The following C10orf90 variants were observed in gnomAD, a reference collection of about 807,000 sequenced individuals.
C10orf90 encodes the protein (E2-independent) E3 ubiquitin-conjugating enzyme FATS.
In C10orf90, 56 loss-of-function variants were observed where a neutral mutation model predicts 62.5. The observed-to-expected ratio is 0.90, with a 90% CI of 0.72 to 1.12. The LOEUF (loss-of-function observed/expected upper bound fraction) is 1.12. C10orf90 is among the 50% of genes most tolerant of loss of function. The pLI, the probability that C10orf90 is intolerant of heterozygous loss-of-function variation, is 0.00. For missense variants in C10orf90, 970 were observed against 880.4 expected (o/e 1.10, Z -1.29); for synonymous variants, 386 against 340.4 (o/e 1.13, Z -1.47).
chr10:126,493,300 G>A (rs61863941), intron 4 of C10orf90, among the ~76,000 whole-genome samples: 43,370 of 151,410 alleles, frequency 0.29, 7,199 homozygotes, highest in African/African-American at 0.47. Context: ...TAGGATTATG[G>A]TTGATTTTCC....
In C10orf90 at chr10:126,536,390, CTACTT is replaced by C. The variant is rs1281458286; in HGVS notation, c.314-22456_314-22452del. On this transcript the variant is annotated intron_variant, in intron 2 of 9. Transcript: ENST00000488181. The stretch of plus-strand genomic sequence containing the variant: ...TCCAAGATTTCAGGAAACGGCAAGA[CTACTT>C]TCCTTTCCTGACTACTGCGTACTAT... Among the ~76,000 whole-genome samples the C allele has an allele frequency of 4.6e-5, 7 of 152,346 alleles. No individual in the cohort carries two copies. In the South Asian group the frequency reaches 1.0e-3, roughly 23 times the overall value.
At chr10:126,628,142 C>T (rs1295112585) in intron 2 of C10orf90, among the ~76,000 whole-genome samples, 2 of 152,152 alleles carry the variant, frequency 1.3e-5, no homozygotes, top group Admixed American at 1.3e-4. Flanking sequence ...GGATTCCAGC[C>T]CTACCAGGCT....
intron 2 of C10orf90, among the ~76,000 whole-genome samples, chr10:126,568,283 A>G (rs965896519): frequency 1.3e-5 from 2 of 152,206 alleles, no homozygotes; most frequent in Non-Finnish European, 2.9e-5. Context: ...GCTGGTTCTC[A>G]TCTGAAGCTT....
chr10:126,472,012 A>G (rs2133770520), intron 4 of C10orf90, among the ~76,000 whole-genome samples: 1 of 152,272 alleles, frequency 6.6e-6, no homozygotes, highest in East Asian at 1.9e-4. Context: ...GATCAACAGA[A>G]ACAAGTTTCA....
At chr10:126,566,142 G>T (rs1177028950) in intron 2 of C10orf90, among the ~76,000 whole-genome samples, 4 of 152,130 alleles carry the variant, frequency 2.6e-5, no homozygotes, top group African/African-American at 7.2e-5. Flanking sequence ...GATAACCTTG[G>T]ATAAATTATT....
chr10:126,562,086 C>T (rs866468818), intron 2 of C10orf90, among the ~76,000 whole-genome samples: 2 of 152,170 alleles, frequency 1.3e-5, no homozygotes, highest in Non-Finnish European at 2.9e-5. Context: ...GCCCAAGTGG[C>T]GACAGGCTGC....
chr10:126,543,040 G>A (rs989216230), intron 2 of C10orf90, among the ~76,000 whole-genome samples: 5 of 152,200 alleles, frequency 3.3e-5, no homozygotes, highest in African/African-American at 4.8e-5. Flanking sequence ...AGTAAACAAT[G>A]AATTGGTCTC....
At chr10:126,484,127 A>G (rs1053185367) in intron 4 of C10orf90, among the ~76,000 whole-genome samples, 1 of 152,166 alleles carries the variant, frequency 6.6e-6, no homozygotes, top group African/African-American at 2.4e-5. Context: ...TCTTCACTGT[A>G]TCATAAAGCA....
chr10:126,669,737 G>A (rs1646934817), intron 1 of C10orf90, among the ~76,000 whole-genome samples: 1 of 148,354 alleles, frequency 6.7e-6, no homozygotes, highest in African/African-American at 2.5e-5. Flanking sequence ...GTCTCTGCTT[G>A]AAAATTAGAG....
chr10:126,476,170 C>T (rs1404444704), intron 4 of C10orf90, among the ~76,000 whole-genome samples: 3 of 152,174 alleles, frequency 2.0e-5, no homozygotes, highest in South Asian at 2.1e-4. Context: ...GCAGGATTCC[C>T]GTGGAAAAGG....
At chr10:126,581,390 A>G (rs138471773) in intron 2 of C10orf90, among the ~76,000 whole-genome samples, 16 of 152,220 alleles carry the variant, frequency 1.1e-4, no homozygotes, top group African/African-American at 3.6e-4. Flanking sequence ...GCCAGGAGAG[A>G]GCGGTTTGAG....
intron 7 of C10orf90, among the ~76,000 whole-genome samples, chr10:126,433,483 C>T (rs1283549694): frequency 2.6e-5 from 4 of 152,196 alleles, no homozygotes; most frequent in African/African-American, 9.6e-5. Flanking sequence ...GGTGAAACGG[C>T]AGCCCAGGGT....
intron 4 of C10orf90, among the ~76,000 whole-genome samples, chr10:126,466,035 G>A (rs1590955465): frequency 3.4e-5 from 1 of 29,302 alleles, no homozygotes; most frequent in South Asian, 1.8e-3. Flanking sequence ...TTGTACTCTT[G>A]ATTTTTTTAA....
chr10:126,531,177 A>G (rs1037869086), intron 2 of C10orf90, among the ~76,000 whole-genome samples: 3 of 151,936 alleles, frequency 2.0e-5, no homozygotes, highest in Admixed American at 2.0e-4. Context: ...CCATCTGAAA[A>G]AAAAAAAAAA....
intron 3 of C10orf90, among the ~76,000 whole-genome samples, chr10:126,511,024 G>A (rs1475519933): frequency 6.6e-6 from 1 of 152,156 alleles, no homozygotes; most frequent in African/African-American, 2.4e-5. Context: ...CAATTCTTTG[G>A]CTGCAGCTTC....
intron 2 of C10orf90, among the ~76,000 whole-genome samples, chr10:126,519,053 A>G (rs7094196): frequency 0.89 from 135,524 of 152,190 alleles, 60,572 homozygotes; most frequent in African/African-American, 0.97. Context: ...TGCTATCCCC[A>G]GCCTTGATAA....
intron 3 of C10orf90, among the ~76,000 whole-genome samples, chr10:126,506,922 G>A (rs1462099744): frequency 2.1e-5 from 2 of 93,076 alleles, no homozygotes; most frequent in Non-Finnish European, 3.7e-5. Flanking sequence ...GAGGGCCAGT[G>A]TGTGTGTGTG....
At position 126,442,478 on chromosome 10, in the gene C10orf90, C is replaced by CATATATATATATATATATATATATATAT. The variant is rs55780866; in HGVS notation, c.2189-12656_2189-12629dup. Reference sequence around the variant, plus strand: ...ATAATAGTAGGGAACTTCAATATTTCATATATATATATATATATATATATA... The same window carrying CATATATATATATATATATATATATATAT: ...ATAATAGTAGGGAACTTCAATATTTCATATATATATATATATATATATATATATATATATATATATATATATATATATA... On this transcript the variant is annotated intron_variant, in intron 7 of 9. Coordinates refer to ENST00000488181, the MANE Select transcript of C10orf90 (RefSeq NM_001350921.2). 5.0e-3 allele frequency among the ~76,000 whole-genome samples: 168 copies of CATATATATATATATATATATATATATAT among 33,754 alleles called. 13 individuals carry two copies. The highest frequency in any genetic ancestry group is 5.6e-3 in the East Asian group (4 of 720). 22.1% of individuals were successfully genotyped at this position (33,754 alleles called of 152,430 possible). A position where few individuals can be genotyped will look rare whatever the true frequency, so the allele number is the denominator to read the frequency against.
chr10:126,543,450 G>A (rs187924080), intron 2 of C10orf90, among the ~76,000 whole-genome samples: 18 of 152,328 alleles, frequency 1.2e-4, no homozygotes, highest in African/African-American at 3.1e-4. Context: ...CACTCAAGGG[G>A]TTGACATTTG....
Sources: allele counts gnomAD v4.1 joint callset (sites outside exome capture counted in the v4.1 genomes callset), GRCh38; gene constraint gnomAD v4.1.1; transcripts MANE v1.5; gene names NCBI Gene and HGNC (gene_info 2026-07-23, HGNC 2026-07-21).